The following PHACTR1 variants were observed in gnomAD, a reference collection of about 807,000 sequenced individuals.
PHACTR1 encodes RPEL repeat containing 1.
A neutral mutation model predicts 69.2 loss-of-function variants in PHACTR1; 16 were observed. That is an observed-to-expected ratio of 0.23 (90% CI 0.16 to 0.35). The LOEUF (loss-of-function observed/expected upper bound fraction) is 0.35. Ranked by LOEUF, PHACTR1 falls within the 10% of genes least tolerant of loss-of-function variation. The pLI is 1.00. For missense variants in PHACTR1, 510 were observed against 734.7 expected, an observed-to-expected ratio of 0.69 and a Z score of 3.54; for synonymous variants, 312 against 284.5, an observed-to-expected ratio of 1.10 and a Z score of -0.97.
intron 5 of PHACTR1, among the ~76,000 whole-genome samples, chr6:13,109,833 C>CAT (rs71552733): frequency 1.6e-4 from 23 of 146,080 alleles, no homozygotes; most frequent in East Asian, 2.1e-4. Context: ...ATTTTTTCAG[C>CAT]GTGTGTGTGT....
intron 4 of PHACTR1, among the ~76,000 whole-genome samples, chr6:12,784,667 T>C (rs1052704595): frequency 6.6e-6 from 1 of 151,830 alleles, no homozygotes; most frequent in African/African-American, 2.4e-5. Flanking sequence ...TGTAATGATA[T>C]ATACATACAC....
At chr6:13,114,850 C>CT (rs1817578215) in intron 5 of PHACTR1, among the ~76,000 whole-genome samples, 1 of 152,202 alleles carries the variant, frequency 6.6e-6, no homozygotes, top group East Asian at 1.9e-4. Context: ...AGTTATAAAT[C>CT]TAAAACATCA....
At chr6:13,260,764 A>C (rs555786654) in intron 10 of PHACTR1, among the ~76,000 whole-genome samples, 1 of 152,344 alleles carries the variant, frequency 6.6e-6, no homozygotes, top group South Asian at 2.1e-4. Context: ...AGCAGGAATT[A>C]GGAAATATTA....
chr6:12,728,931 A>G (rs1187080532), intron 3 of PHACTR1, among the ~76,000 whole-genome samples: 1 of 152,206 alleles, frequency 6.6e-6, no homozygotes, highest in African/African-American at 2.4e-5. Flanking sequence ...ACAGCAAAAT[A>G]CATAAAAAGT....
At chr6:13,079,719 A>C (rs1811081013) in intron 5 of PHACTR1, among the ~76,000 whole-genome samples, 1 of 152,136 alleles carries the variant, frequency 6.6e-6, no homozygotes, top group South Asian at 2.1e-4. Context: ...ATTATGTACC[A>C]ATCTCAGGGT....
intron 4 of PHACTR1, chr6:12,958,158 A>G (rs1444452628): frequency 1.9e-6 from 1 of 519,988 alleles, no homozygotes; most frequent in African/African-American, 2.1e-5. Context: ...GCCAATATCA[A>G]TAGATTTGGT....
intron 4 of PHACTR1, among the ~76,000 whole-genome samples, chr6:12,836,174 A>G (rs1477504296): frequency 6.6e-6 from 1 of 152,180 alleles, no homozygotes; most frequent in African/African-American, 2.4e-5. Flanking sequence ...TTCTAAAGTC[A>G]TCAGAAAGTG....
intron 10 of PHACTR1, among the ~76,000 whole-genome samples, chr6:13,261,553 G>GGT (rs1747174352): frequency 6.6e-6 from 1 of 152,210 alleles, no homozygotes; most frequent in Non-Finnish European, 1.5e-5. Flanking sequence ...TCTGTGCAGG[G>GGT]GTGGAGTAGG....
intron 11 of PHACTR1, among the ~76,000 whole-genome samples, chr6:13,277,118 T>A (rs1255499103): frequency 6.6e-6 from 1 of 152,212 alleles, no homozygotes; most frequent in Non-Finnish European, 1.5e-5. Context: ...AAGGAATTCT[T>A]CCAAGGTTCA....
At chr6:13,102,989 G>T (rs545004686) in intron 5 of PHACTR1, among the ~76,000 whole-genome samples, 2 of 152,258 alleles carry the variant, frequency 1.3e-5, no homozygotes, top group African/African-American at 4.8e-5. Context: ...GGCAGTCCAA[G>T]CCATGCTATT....
intron 5 of PHACTR1, among the ~76,000 whole-genome samples, chr6:13,138,770 T>C (rs1003869291): frequency 6.6e-6 from 1 of 152,232 alleles, no homozygotes; most frequent in African/African-American, 2.4e-5. Context: ...TTCCTTCCAG[T>C]GGTGACCTTG....
intron 4 of PHACTR1, among the ~76,000 whole-genome samples, chr6:13,032,659 C>T (rs554076309): frequency 6.6e-6 from 1 of 152,026 alleles, no homozygotes; most frequent in South Asian, 2.1e-4. Flanking sequence ...GCTCTGTTGC[C>T]AGGCTGGAAT....
chr6:12,744,539 A>G (rs938595344), intron 3 of PHACTR1, among the ~76,000 whole-genome samples: 1 of 152,276 alleles, frequency 6.6e-6, no homozygotes, highest in Admixed American at 6.5e-5. Context: ...GAGTCTCCTC[A>G]ATATCATCCC....
intron 4 of PHACTR1, among the ~76,000 whole-genome samples, chr6:13,030,220 C>CA (rs1802261903): frequency 1.0e-4 from 11 of 105,140 alleles, no homozygotes; most frequent in Admixed American, 6.5e-4. Context: ...GTGCAACAGA[C>CA]GTTTTATTTG....
Position 13,283,193 on chromosome 6 carries a change from A to G in PHACTR1, c.1510-229A>G. 1 of 468,886 alleles carries G rather than the reference A, an allele frequency of 2.1e-6. No individual in the cohort carries two copies. The highest frequency in any genetic ancestry group is 3.8e-6 in the Non-Finnish European group (1 of 265,432). The allele number at this position is 468,886 out of a possible 1,614,324, so 29.0% of individuals were successfully genotyped here. A position where few individuals can be genotyped will look rare whatever the true frequency, so the allele number is the denominator to read the frequency against. On this transcript the variant is annotated intron_variant, in intron 12 of 14. Coordinates refer to ENST00000332995, the MANE Select transcript of PHACTR1 (RefSeq NM_030948.6). This position sits in a 1 kb window ranked among gnomAD's most constrained non-coding sequence, Gnocchi z 4.7. ...AAGAGCTTGGCCTAGAGGGTATGTAAGGGATAACAAAGCTCTCTCTTAGGA... is the reference window on the plus strand; with the variant it reads ...AAGAGCTTGGCCTAGAGGGTATGTAGGGGATAACAAAGCTCTCTCTTAGGA...
At chr6:12,855,230 A>G (rs537280129) in intron 4 of PHACTR1, among the ~76,000 whole-genome samples, 30 of 152,336 alleles carry the variant, frequency 2.0e-4, no homozygotes, top group African/African-American at 7.2e-4. Context: ...GCCGGGTGCC[A>G]TAGCCCATGC....
At chr6:13,162,305 T>A (rs886250065) in intron 6 of PHACTR1, among the ~76,000 whole-genome samples, 10 of 152,046 alleles carry the variant, frequency 6.6e-5, no homozygotes, top group Admixed American at 1.3e-4. Context: ...GTTTGTTTTT[T>A]AAGTAGAGAT....
At chr6:13,165,336 T>G (rs1759634968) in intron 6 of PHACTR1, among the ~76,000 whole-genome samples, 1 of 152,230 alleles carries the variant, frequency 6.6e-6, no homozygotes, top group Non-Finnish European at 1.5e-5. Flanking sequence ...ATGACCTATT[T>G]GCTTAAATTT....
chr6:12,930,336 C>T (rs941296375), intron 4 of PHACTR1, among the ~76,000 whole-genome samples: 1 of 152,122 alleles, frequency 6.6e-6, no homozygotes, highest in Non-Finnish European at 1.5e-5. Flanking sequence ...TGAGCCACTG[C>T]GCTGGCCAAG....
Sources: gnomAD v4.1 joint callset for allele counts (sites outside exome capture counted in the v4.1 genomes callset) on GRCh38, gnomAD v4.1.1 for gene constraint, Gnocchi (gnomAD v3.1) non-coding constraint, MANE v1.5 for transcripts, NCBI Gene and HGNC (gene_info 2026-07-23, HGNC 2026-07-21) for gene names.